Variants in MGAT4C observed in about 807,000 individuals in gnomAD.
MGAT4C encodes MGAT4 family member C, also known as alpha-1,3-mannosyl-glycoprotein 4-beta-N-acetylglucosaminyltransferase C.
Under a neutral mutation model 40.1 loss-of-function variants are expected in MGAT4C, and 19 were observed. The ratio of observed to expected loss-of-function variants is 0.47; its 90% CI spans 0.33 to 0.70. The LOEUF (loss-of-function observed/expected upper bound fraction) is 0.70. Among genes scored for constraint, MGAT4C ranks in the 30% least tolerant of loss-of-function variants. The pLI, the probability that MGAT4C is intolerant of heterozygous loss-of-function variation, is 0.02. For synonymous variants in MGAT4C, 181 were observed against 187.1 expected, an observed-to-expected ratio of 0.97 and a Z score of 0.27; for missense variants, 491 against 563.2, an observed-to-expected ratio of 0.87 and a Z score of 1.30.
At chr12:86,112,267 C>T (rs1297196176) in intron 1 of MGAT4C, among the ~76,000 whole-genome samples, 1 of 151,702 alleles carries the variant, frequency 6.6e-6, no homozygotes, top group East Asian at 1.9e-4. Context: ...CTAAATGGTG[C>T]TATGTAATCT....
rs186261513 is a variant in MGAT4C at position 86,528,639 on chromosome 12, C to T, written c.-228-93374G>A. 3.0e-4 allele frequency among the ~76,000 whole-genome samples: 46 copies of T among 151,862 alleles called. 1 individual carries two copies. Among genetic ancestry groups the T allele is most frequent in the Non-Finnish European group, 5.3e-4 (36 of 67,820 alleles). ...AATATGAACTTATGCAAAAATTAAA[C>T]AAAATACAAATGTTAATGTGAAAAT... On this transcript the variant is annotated intron_variant, in intron 2 of 7. Transcript: ENST00000548651.
chr12:86,660,525 T>C (rs1963955841), intron 2 of MGAT4C, among the ~76,000 whole-genome samples: 1 of 152,188 alleles, frequency 6.6e-6, no homozygotes, highest in Non-Finnish European at 1.5e-5. Flanking sequence ...GAAAGAGATC[T>C]AACCTGGGAT....
intron 1 of MGAT4C, among the ~76,000 whole-genome samples, chr12:86,807,500 C>A (rs1952381110): frequency 6.6e-6 from 1 of 151,894 alleles, no homozygotes; most frequent in Non-Finnish European, 1.5e-5. Context: ...GTATATGTAC[C>A]ACATTTTTTT....
chr12:86,687,929 G>A (rs1950102479), intron 2 of MGAT4C, among the ~76,000 whole-genome samples: 1 of 152,064 alleles, frequency 6.6e-6, no homozygotes, highest in South Asian at 2.1e-4. Context: ...TATTGACACT[G>A]GGATGTTAAA....
chr12:86,310,747 C>A (rs1018604648), intron 4 of MGAT4C, among the ~76,000 whole-genome samples: 5 of 152,020 alleles, frequency 3.3e-5, no homozygotes, highest in Non-Finnish European at 4.4e-5. Flanking sequence ...CATGGTGAAT[C>A]CCTGTCTCGG....
At chr12:86,306,964 A>G (rs1444488059) in intron 4 of MGAT4C, among the ~76,000 whole-genome samples, 1 of 150,514 alleles carries the variant, frequency 6.6e-6, no homozygotes, top group East Asian at 1.9e-4. Context: ...TTTTCATAAC[A>G]AAATGTTGAA....
At chr12:86,013,339 C>T (rs953745765) in intron 2 of MGAT4C, among the ~76,000 whole-genome samples, 1 of 152,056 alleles carries the variant, frequency 6.6e-6, no homozygotes, top group Admixed American at 6.5e-5. Flanking sequence ...CTGCAAGCTC[C>T]GCCTCCCGGG....
chr12:86,216,999 AAAATTCCTATGT>A (rs1293613099), intron 1 of MGAT4C, among the ~76,000 whole-genome samples: 2 of 152,196 alleles, frequency 1.3e-5, no homozygotes, highest in Non-Finnish European at 2.9e-5. Flanking sequence ...ACTATAAGAT[AAAATTCCTATGT>A]GAAAGATTTC....
At chr12:86,538,116 T>TA (rs947516428) in intron 2 of MGAT4C, among the ~76,000 whole-genome samples, 3 of 151,934 alleles carry the variant, frequency 2.0e-5, no homozygotes, top group Non-Finnish European at 4.4e-5. Context: ...AAATAAATAA[T>TA]AAAAAATTTA....
At chr12:86,375,985 T>C (rs1291678858) in intron 3 of MGAT4C, among the ~76,000 whole-genome samples, 1 of 152,146 alleles carries the variant, frequency 6.6e-6, no homozygotes, top group African/African-American at 2.4e-5. Context: ...ATTTAAATCA[T>C]TGCAAATAGA....
intron 1 of MGAT4C, among the ~76,000 whole-genome samples, chr12:86,227,503 C>T (rs1951137658): frequency 6.6e-6 from 1 of 151,868 alleles, no homozygotes; most frequent in Non-Finnish European, 1.5e-5. Flanking sequence ...GTTTGGATGT[C>T]ACTTCTTTCA....
intron 1 of MGAT4C, among the ~76,000 whole-genome samples, chr12:86,080,820 G>A (rs1870701255): frequency 6.6e-6 from 1 of 152,140 alleles, no homozygotes; most frequent in African/African-American, 2.4e-5. Flanking sequence ...CCCAGCGTGA[G>A]CATAATTAAA....
At chr12:86,743,017 A>T (rs943609056) in intron 1 of MGAT4C, among the ~76,000 whole-genome samples, 2 of 143,656 alleles carry the variant, frequency 1.4e-5, no homozygotes, top group Non-Finnish European at 3.1e-5. Context: ...GTATGTGTGT[A>T]TGCATGTGTG....
chr12:86,623,274 T>C (rs1341265438), intron 2 of MGAT4C, among the ~76,000 whole-genome samples: 2 of 152,160 alleles, frequency 1.3e-5, no homozygotes, highest in Non-Finnish European at 2.9e-5. Flanking sequence ...AGCCAGAGTT[T>C]CTATTTCTGC....
At chr12:86,192,335 G>A (rs886990121) in intron 1 of MGAT4C, among the ~76,000 whole-genome samples, 2 of 151,998 alleles carry the variant, frequency 1.3e-5, no homozygotes, top group Non-Finnish European at 2.9e-5. Context: ...AATTAGAGTG[G>A]GACATATTTT....
intron 1 of MGAT4C, among the ~76,000 whole-genome samples, chr12:86,826,893 T>TA (rs1952819687): frequency 6.6e-6 from 1 of 151,408 alleles, no homozygotes; most frequent in East Asian, 1.9e-4. Flanking sequence ...CAAAGAAAAA[T>TA]AAAATTTTTT....
intron 3 of MGAT4C, among the ~76,000 whole-genome samples, chr12:85,984,904 G>T (rs537906588): frequency 1.3e-5 from 2 of 152,030 alleles, no homozygotes; most frequent in East Asian, 3.9e-4. Flanking sequence ...TCAGCCTCCC[G>T]AGTAGCTGGG....
chr12:86,072,785 C>T (rs1463739966), intron 1 of MGAT4C, among the ~76,000 whole-genome samples: 1 of 152,124 alleles, frequency 6.6e-6, no homozygotes, highest in African/African-American at 2.4e-5. Context: ...ATATTTTTTA[C>T]ACCCCTTTTA....
chr12:86,357,805 G>C (rs1955351865), intron 3 of MGAT4C, among the ~76,000 whole-genome samples: 1 of 152,154 alleles, frequency 6.6e-6, no homozygotes, highest in African/African-American at 2.4e-5. Flanking sequence ...ATCGAACAAA[G>C]CCTGCAAGAA....
Sources: allele counts gnomAD v4.1 joint callset (sites outside exome capture counted in the v4.1 genomes callset), GRCh38; gene constraint gnomAD v4.1.1; transcripts MANE v1.5; gene names NCBI Gene and HGNC (gene_info 2026-07-23, HGNC 2026-07-21).